AFF4: variants seen among roughly 807,000 people sequenced by gnomAD.
The protein encoded by AFF4 is ALF transcription elongation factor 4.
In AFF4, 13 loss-of-function variants were observed where a neutral mutation model predicts 124.8. The ratio of observed to expected loss-of-function variants is 0.10; its 90% CI spans 0.07 to 0.17. The LOEUF is 0.17. Among genes scored for constraint, AFF4 ranks in the 10% least tolerant of loss-of-function variants. The pLI, the probability that AFF4 is intolerant of heterozygous loss-of-function variation, is 1.00. For synonymous variants in AFF4, 477 were observed against 496.1 expected, an observed-to-expected ratio of 0.96 and a Z score of 0.51; for missense variants, 1,092 against 1,403.8, an observed-to-expected ratio of 0.78 and a Z score of 3.55.
At chr5:132,893,376 G>A (rs1029703806) in intron 11 of AFF4, among the ~76,000 whole-genome samples, 2 of 152,154 alleles carry the variant, frequency 1.3e-5, no homozygotes, top group Non-Finnish European at 2.9e-5. Flanking sequence ...AATGATTTGG[G>A]AGGTAGTATC....
At chr5:132,910,346 C>T (rs188565659) in intron 5 of AFF4, among the ~76,000 whole-genome samples, 128 of 152,298 alleles carry the variant, frequency 8.4e-4, no homozygotes, top group African/African-American at 2.8e-3. Flanking sequence ...CTTTCAGACT[C>T]GTCAATGGTG....
At chr5:132,898,957 A>C (rs1760479995) in intron 9 of AFF4, 147 bp downstream of exon 9, 4 of 702,216 alleles carry the variant, frequency 5.7e-6, no homozygotes, top group East Asian at 2.7e-5. Context: ...ACCCACTTTA[A>C]GTGTATAATT....
In AFF4 at chr5:132,878,675, T is replaced by A. The variant is rs966713231; in HGVS notation, c.*2384A>T. ...ACCTTGTGGGAAAAATCCTCCACAA[T>A]GAAAAGGTTGAAAAATTCATTCTCC... On this transcript the variant is annotated 3_prime_UTR_variant, in exon 21 of 21. Transcript: ENST00000265343. 34 of 226,694 alleles carry A rather than the reference T, an allele frequency of 1.5e-4. No individual in the cohort carries two copies. Among genetic ancestry groups the A allele is most frequent in the African/African-American group, 5.6e-4 (25 of 44,982 alleles). The allele number at this position is 226,694 out of a possible 1,614,324, so 14.0% of individuals were successfully genotyped here. A position where few individuals can be genotyped will look rare whatever the true frequency, so the allele number is the denominator to read the frequency against.
At chr5:132,905,491 G>A (rs534645220) in intron 5 of AFF4, among the ~76,000 whole-genome samples, 54 of 152,084 alleles carry the variant, frequency 3.6e-4, no homozygotes, top group Non-Finnish European at 7.1e-4. Context: ...ATAGTTTTGC[G>A]GTTAAAAAAC....
chr5:132,935,780 C>T (rs1013888327), intron 2 of AFF4, among the ~76,000 whole-genome samples: 2 of 150,274 alleles, frequency 1.3e-5, no homozygotes, highest in African/African-American at 2.5e-5. Flanking sequence ...AAAACTAGCC[C>T]GGCAAGGTGG....
chr5:132,943,967 G>C (rs934909444), intron 1 of AFF4: 1 of 156,272 alleles, frequency 6.4e-6, no homozygotes, highest in African/African-American at 2.4e-5. Context: ...AAAATTCCTG[G>C]CAAGCCCACA....
At chr5:132,899,763 A>C (rs755706883) in intron 7 of AFF4, 122 bp from the exon 8 acceptor site, 1 of 731,432 alleles carries the variant, frequency 1.4e-6, no homozygotes, top group African/African-American at 1.7e-5. Flanking sequence ...TAACCAAAAA[A>C]CAAAACACCA....
chr5:132,936,947 A>G, intron 2 of AFF4, 120 bp downstream of exon 2: 1 of 1,339,634 alleles, frequency 7.5e-7, no homozygotes, highest in Non-Finnish European at 1.0e-6. Flanking sequence ...AGGACAGGAA[A>G]AAAATGTTAA....
At chr5:132,930,047 C>A (rs2150095017) in intron 4 of AFF4, among the ~76,000 whole-genome samples, 1 of 152,270 alleles carries the variant, frequency 6.6e-6, no homozygotes, top group East Asian at 1.9e-4. Flanking sequence ...TCTACAGTTA[C>A]AAGCATGGGA....
intron 4 of AFF4, among the ~76,000 whole-genome samples, chr5:132,930,519 A>C (rs1761273920): frequency 6.6e-6 from 1 of 152,190 alleles, no homozygotes; most frequent in Admixed American, 6.5e-5. Flanking sequence ...GCAAAATGGC[A>C]GAGGTAAAAG....
chr5:132,883,738 CTTG>C (rs1444221581), intron 19 of AFF4, among the ~76,000 whole-genome samples, 178 bp from the exon 20 acceptor site: 1 of 152,164 alleles, frequency 6.6e-6, no homozygotes, highest in Non-Finnish European at 1.5e-5. Context: ...AATTCATAAT[CTTG>C]TTATCTTAGA....
At chr5:132,953,324 T>A (rs541203849) in intron 1 of AFF4, among the ~76,000 whole-genome samples, 2 of 152,076 alleles carry the variant, frequency 1.3e-5, no homozygotes, top group African/African-American at 2.4e-5. Flanking sequence ...CACTGTAACC[T>A]CAAACTCCTT....
At chr5:132,932,981 T>G (rs532066666) in intron 3 of AFF4, among the ~76,000 whole-genome samples, 1 of 152,222 alleles carries the variant, frequency 6.6e-6, no homozygotes, top group African/African-American at 2.4e-5. Flanking sequence ...TTTTAAATGT[T>G]TGCAAAACAG....
Position 132,934,387 on chromosome 5 carries a change from T to A in AFF4, c.678A>T (p.Val226=). 1 of 1,614,122 alleles carries A rather than the reference T, an allele frequency of 6.2e-7. No individual in the cohort carries two copies. The highest frequency in any genetic ancestry group is 8.5e-7 in the Non-Finnish European group (1 of 1,180,028). ...TTGAGTGCTGCCCACTTGAAAAAGG[T>A]ACACGGGAAGGAGAATCCCAGTTTG... ...PDANWDSPSR[V]PFSSGQHSTQ... Residue 226 remains valine, a synonymous_variant, in exon 3 of 21, where the codon GTA becomes GTT. Transcript: ENST00000265343.
rs1156907171 is a variant in AFF4 at position 132,879,685 on chromosome 5, A to G, written c.*1374T>C. ...GCATGAAAAATAAAGTATAGAGGGT[A>G]CATTTCTTATCTTAGACTTCTATAT... On this transcript the variant is annotated 3_prime_UTR_variant, in exon 21 of 21. Coordinates refer to ENST00000265343, the MANE Select transcript of AFF4 (RefSeq NM_014423.4). 1 of 210,284 alleles carries G rather than the reference A, an allele frequency of 4.8e-6. No homozygotes were observed. The highest frequency in any genetic ancestry group is 2.3e-5 in the African/African-American group (1 of 44,116). The allele number at this position is 210,284 out of a possible 1,614,324, so 13.0% of individuals were successfully genotyped here.
chr5:132,896,267 C>A, intron 11 of AFF4, 56 bp downstream of exon 11: 1 of 1,521,142 alleles, frequency 6.6e-7, no homozygotes, highest in South Asian at 1.3e-5. Flanking sequence ...ACTGAGATTT[C>A]CACCGCATTT....
chr5:132,949,700 A>ACAAG (rs775970739), intron 1 of AFF4, among the ~76,000 whole-genome samples: 1 of 146,628 alleles, frequency 6.8e-6, no homozygotes, highest in East Asian at 2.1e-4. Context: ...ACACACACAC[A>ACAAG]CGCGCGCGCG....
At chr5:132,952,023 A>G (rs980995884) in intron 1 of AFF4, among the ~76,000 whole-genome samples, 2 of 151,988 alleles carry the variant, frequency 1.3e-5, no homozygotes, top group Admixed American at 6.6e-5. Context: ...TTACTTATCT[A>G]CTCTCCAGAT....
At chr5:132,956,602 A>G (rs1257579484) in intron 1 of AFF4, among the ~76,000 whole-genome samples, 3 of 150,936 alleles carry the variant, frequency 2.0e-5, no homozygotes, top group Non-Finnish European at 4.4e-5. Context: ...ACTGCACTCC[A>G]GCCTGGGCAA....
Sources: allele counts gnomAD v4.1 joint callset (sites outside exome capture counted in the v4.1 genomes callset), GRCh38; gene constraint gnomAD v4.1.1; transcripts MANE v1.5; gene names NCBI Gene and HGNC (gene_info 2026-07-23, HGNC 2026-07-21).